Variants in FBN1 observed in about 807,000 individuals in gnomAD.
FBN1 encodes fibrillin 1, also known as fibrillin-1.
FBN1 carries 29 observed loss-of-function variants against 365.1 expected under a neutral mutation model. The ratio of observed to expected loss-of-function variants is 0.08; its 90% CI spans 0.06 to 0.11. The LOEUF (loss-of-function observed/expected upper bound fraction) is 0.11, where lower values mean the gene tolerates loss of function less well. FBN1 is among the 10% of genes least tolerant of loss of function. FBN1 has a pLI of 1.00. For missense variants in FBN1, 2,476 were observed against 3,703.2 expected, an observed-to-expected ratio of 0.67 and a Z score of 8.60; for synonymous variants, 1,210 against 1,270.5, an observed-to-expected ratio of 0.95 and a Z score of 1.01.
intron 3 of FBN1, among the ~76,000 whole-genome samples, chr15:48,612,576 G>C (rs2044664669): frequency 6.6e-6 from 1 of 152,130 alleles, no homozygotes; most frequent in Non-Finnish European, 1.5e-5. Context: ...TCTTCGTCTG[G>C]TGATCTATCT....
At chr15:48,453,303 A>AAAAAAAAC (rs1555396240) in intron 44 of FBN1, among the ~76,000 whole-genome samples, 1 of 140,684 alleles carries the variant, frequency 7.1e-6, no homozygotes, top group African/African-American at 2.8e-5. Flanking sequence ...ACAAAAAAAA[A>AAAAAAAAC]ACACACACAA....
In FBN1 at chr15:48,505,009, C is replaced by A. The variant is rs762673369; in HGVS notation, c.1960+16G>T. On this transcript the variant is annotated intron_variant, in intron 16 of 65. Coordinates refer to ENST00000316623, the MANE Select transcript of FBN1 (RefSeq NM_000138.5). The stretch of plus-strand genomic sequence containing the variant: ...GCTGAACCTCTCTCATAAGGTTAGC[C>A]ATGATGTTTTCTTACCAACACACAC... The A allele has an allele frequency of 6.2e-7, 1 of 1,614,002 alleles. No homozygotes were observed. Among genetic ancestry groups the A allele is most frequent in the South Asian group, 1.1e-5 (1 of 91,070 alleles).
chr15:48,643,883 G>C (rs1432628779), intron 2 of FBN1: 1 of 152,142 alleles, frequency 6.6e-6, no homozygotes, highest in African/African-American at 2.4e-5. Flanking sequence ...AATTTTTCCG[G>C]CTGAAACATC....
In FBN1 at chr15:48,534,064, G is replaced by A. The variant is rs571034267; in HGVS notation, c.862+16C>T. 4.3e-6 allele frequency: 7 copies of A among 1,612,904 alleles called. No homozygotes were observed. Among genetic ancestry groups the A allele is most frequent in the East Asian group, 4.5e-5 (2 of 44,822 alleles). On this transcript the variant is annotated intron_variant, in intron 8 of 65. Coordinates refer to ENST00000316623, the MANE Select transcript of FBN1 (RefSeq NM_000138.5). Reference sequence around the variant, plus strand: ...CCCCACTACACCCCCCAACTGCAAAGCATAAGATTTCTTACCTTCACATTT... The same window carrying A: ...CCCCACTACACCCCCCAACTGCAAAACATAAGATTTCTTACCTTCACATTT...
At chr15:48,560,306 C>A (rs2044213969) in intron 6 of FBN1, among the ~76,000 whole-genome samples, 1 of 152,134 alleles carries the variant, frequency 6.6e-6, no homozygotes, top group African/African-American at 2.4e-5. Flanking sequence ...TGGGCTTTAC[C>A]ACCTACAAGC....
chr15:48,581,310 G>A (rs1031447427), intron 6 of FBN1, among the ~76,000 whole-genome samples: 6 of 152,116 alleles, frequency 3.9e-5, no homozygotes, highest in African/African-American at 1.4e-4. Flanking sequence ...AAACAAAGAG[G>A]TCATAAAAGA....
chr15:48,535,554 C>T (rs1024897878), intron 7 of FBN1, among the ~76,000 whole-genome samples: 1 of 152,324 alleles, frequency 6.6e-6, no homozygotes, highest in South Asian at 2.1e-4. Context: ...CCCAAGCAAA[C>T]AGTCTAATGT....
intron 22 of FBN1, 49 bp from the exon 23 acceptor site, chr15:48,494,303 A>G (rs1320590826): frequency 7.0e-7 from 1 of 1,430,116 alleles, no homozygotes; most frequent in Non-Finnish European, 9.8e-7. Context: ...TGAGATAACA[A>G]TATCCAGACT....
chr15:48,436,863 G>A (rs2043075952), intron 53 of FBN1, 98 bp downstream of exon 53: 2 of 819,742 alleles, frequency 2.4e-6, no homozygotes, highest in South Asian at 2.7e-5. Context: ...ACTTATTTCA[G>A]TGCCATCTTG....
At chr15:48,501,773 T>C (rs189193823) in intron 17 of FBN1, among the ~76,000 whole-genome samples, 1 of 152,312 alleles carries the variant, frequency 6.6e-6, no homozygotes, top group Admixed American at 6.5e-5. Flanking sequence ...TACTTGTCTG[T>C]ATTGCAAATT....
chr15:48,493,462 T>TA (rs1392399939), intron 23 of FBN1, among the ~76,000 whole-genome samples: 1 of 152,240 alleles, frequency 6.6e-6, no homozygotes, highest in African/African-American at 2.4e-5. Flanking sequence ...GGGTGGAATC[T>TA]ACCTTTTTGG....
rs16961151 is a variant in FBN1, at chr15:48,561,581, C to T, written c.539-23773G>A. On this transcript the variant is annotated intron_variant, in intron 6 of 65. Transcript: ENST00000316623. ...AGAACATACTAAATATCAATTCAAG[C>T]TCCATTACACTCAATTCAAAATTTT... Among the ~76,000 whole-genome samples the T allele has an allele frequency of 0.016, 2,498 of 152,220 alleles. 198 individuals carry two copies. In the East Asian group the frequency reaches 0.24, roughly 14 times the overall value.
chr15:48,432,953 C>T lies in FBN1; in HGVS notation c.6652G>A (p.Ala2218Thr), dbSNP rs1347008355. The change falls in exon 55 of 66, where the codon GCC (alanine) becomes ACC (threonine). Residue 2218 changes from alanine to threonine, a missense_variant. Ala to Thr is a moderately conservative substitution (Grantham distance 58). Coordinates refer to ENST00000316623, the MANE Select transcript of FBN1 (RefSeq NM_000138.5). ...CCATAAGTGTTCACACATCGGAAGG[C>T]ACAGAGCAGAGGATTCTGGGCACAT... The part of the protein sequence containing the change: ...NECAQNPLLC[A>T]FRCVNTYGSY... 1 of 1,613,616 alleles carries T rather than the reference C, an allele frequency of 6.2e-7. No homozygotes were observed. The highest frequency in any genetic ancestry group is 8.5e-7 in the Non-Finnish European group (1 of 1,179,658).
rs764827921 is a variant in FBN1, at chr15:48,503,807, G to A, written c.2093C>T (p.Pro698Leu). The part of the protein sequence containing the change: ...TEYAFGEPCQ[P>L]CPAQNSAEYQ... ...CATACCTGAATTCTGTGCAGGACAC[G>A]GCTGGCAAGGTTCCCCAAATGCATA... Residue 698 changes from proline (P) to leucine (L), a missense_variant, in exon 17 of 66, where the codon CCG becomes CTG. By Grantham distance (98) the Pro-to-Leu change is moderately conservative (BLOSUM62 -3). Around this residue, in one of 5 missense-constraint regions of FBN1, gnomAD observed 1,780 missense variants for 2,840.8 expected, o/e 0.63. Transcript: ENST00000316623. 17 of 1,613,852 alleles carry A rather than the reference G, an allele frequency of 1.1e-5. No homozygotes were observed. The highest frequency in any genetic ancestry group is 6.7e-5 in the East Asian group (3 of 44,888).
At chr15:48,578,690 A>G (rs2413909) in intron 6 of FBN1, among the ~76,000 whole-genome samples, 84,676 of 143,530 alleles carry the variant, frequency 0.59, 24,722 homozygotes, top group South Asian at 0.72. Flanking sequence ...AAAATGATGC[A>G]TTCATGTCCT....
At chr15:48,421,716 T>C (rs1470302916) in intron 61 of FBN1, 30 bp from the exon 62 acceptor site, 1 of 1,609,512 alleles carries the variant, frequency 6.2e-7, no homozygotes, top group Non-Finnish European at 8.5e-7. Flanking sequence ...CAAAGAGGGG[T>C]TAAAATTCCC....
chr15:48,568,875 A>G (rs1356330292), intron 6 of FBN1, among the ~76,000 whole-genome samples: 1 of 152,146 alleles, frequency 6.6e-6, no homozygotes, highest in African/African-American at 2.4e-5. Context: ...ATAAGAGCTA[A>G]AACTATGCAA....
At position 48,430,926 on chromosome 15, in the gene FBN1, G is replaced by C. The variant is rs1344072326; in HGVS notation, c.6740-124C>G. On this transcript the variant is annotated intron_variant, in intron 55 of 65. Transcript: ENST00000316623. The stretch of plus-strand genomic sequence containing the variant: ...TTCATCTGTTATTTCACTACTGGCT[G>C]TATTTCCTTCTGCTCTGTTGAGTAT... 1.0e-5 allele frequency: 9 copies of C among 879,960 alleles called. No individual in the cohort carries two copies. In the African/African-American group the frequency reaches 1.5e-4, roughly 15 times the overall value. The allele number at this position is 879,960 out of a possible 1,614,324, so 54.5% of individuals were successfully genotyped here.
intron 9 of FBN1, among the ~76,000 whole-genome samples, chr15:48,523,714 G>GC (rs200886868): frequency 0.066 from 7,679 of 116,654 alleles, 380 homozygotes; most frequent in East Asian, 0.2. Flanking sequence ...GGTGGCTGGG[G>GC]GGGGGGGGGA....
Sources: gnomAD v4.1 joint callset for allele counts (sites outside exome capture counted in the v4.1 genomes callset) on GRCh38, gnomAD v4.1.1 for gene constraint, gnomAD v4.1.1 regional missense constraint, MANE v1.5 for transcripts, NCBI Gene and HGNC (gene_info 2026-07-23, HGNC 2026-07-21) for gene names.